Variants in HYAL1 observed in about 807,000 individuals in gnomAD.
The protein encoded by HYAL1 is hyaluronidase-1.
HYAL1 carries 21 observed loss-of-function variants against 28.8 expected under a neutral mutation model. The ratio of observed to expected loss-of-function variants is 0.73; its 90% CI spans 0.52 to 1.05. HYAL1 has a LOEUF of 1.05. Ranked by LOEUF, HYAL1 falls within the 50% of genes least tolerant of loss-of-function variation. The pLI, the probability that HYAL1 is intolerant of heterozygous loss-of-function variation, is 0.00. For missense variants in HYAL1, 491 were observed against 579.2 expected (o/e 0.85, Z 1.56); for synonymous variants, 200 against 230.1 (o/e 0.87, Z 1.18).
chr3:50,308,638 AG>A (rs1553714355), intron 2 of HYAL1, among the ~76,000 whole-genome samples: 1 of 149,200 alleles, frequency 6.7e-6, no homozygotes, highest in African/African-American at 2.5e-5. Context: ...TGGTAGAGAC[AG>A]GGTTTCACCG....
chr3:50,301,249 G>A (rs1702143954), intron 2 of HYAL1, among the ~76,000 whole-genome samples, 172 bp from the exon 3 acceptor site: 1 of 152,204 alleles, frequency 6.6e-6, no homozygotes, highest in Admixed American at 6.5e-5. Context: ...TGCAGACAGG[G>A]ACTACATCAT....
At chr3:50,307,004 A>C (rs1240662471), upstream of HYAL1, among the ~76,000 whole-genome samples, 1 of 149,730 alleles carries the variant, frequency 6.7e-6, no homozygotes, top group African/African-American at 2.5e-5. Context: ...TGGAAGGCGG[A>C]GGTTGCAGTG....
intron 1 of HYAL1, among the ~76,000 whole-genome samples, chr3:50,310,202 T>G (rs1479239063): frequency 6.6e-6 from 1 of 151,324 alleles, no homozygotes; most frequent in Non-Finnish European, 1.5e-5. Context: ...AATTAAGTTT[T>G]CAATTTTTTT....
intron 1 of HYAL1, among the ~76,000 whole-genome samples, chr3:50,311,624 A>T (rs1194377286): frequency 3.0e-5 from 3 of 99,378 alleles, no homozygotes; most frequent in Middle Eastern, 0.01. Context: ...CGGGGGGCTG[A>T]CCCCCCCACC....
At chr3:50,304,290 AAAAAAAATATATATATATATATATAT>A (rs1360597162), upstream of HYAL1, among the ~76,000 whole-genome samples, 19 of 59,408 alleles carry the variant, frequency 3.2e-4, 1 homozygote, top group Admixed American at 2.6e-3. Context: ...AAAAAAAAAA[AAAAAAAATATATATATATATATATAT>A]ATATATATAT....
chr3:50,302,358 CCCCAGAGGCCGCG>C lies in HYAL1; in HGVS notation c.586_598del (p.Arg196AlafsTer14), dbSNP rs1702201097. On this transcript the variant is annotated frameshift_variant, in exon 2 of 4. Transcript: ENST00000395144. LOFTEE classifies it high-confidence loss of function. This position sits in a 1 kb window ranked among gnomAD's most constrained non-coding sequence, Gnocchi z 5.0. Reference sequence around the variant, plus strand: ...GTAGCAGTCAGGGAAGCCATAGAAGCCCCAGAGGCCGCGAGGACGCAGTGCCCGCCCCAGCTGG... The same window carrying C: ...GTAGCAGTCAGGGAAGCCATAGAAGCAGGACGCAGTGCCCGCCCCAGCTGG... 5 of 1,613,740 alleles carry C rather than the reference CCCCAGAGGCCGCG, an allele frequency of 3.1e-6. No individual in the cohort carries two copies. The highest frequency in any genetic ancestry group is 4.2e-6 in the Non-Finnish European group (5 of 1,179,998).
At position 50,302,329 on chromosome 3, in the gene HYAL1, A is replaced by G. The variant is rs1553713153; in HGVS notation, c.628T>C (p.Tyr210His). The part of the protein sequence containing the change: ...GFYGFPDCYN[Y>H]DFLSPNYTGQ... ...GTGTAGTTGGGGCTTAGAAAGTCAT[A>G]GTTGTAGCAGTCAGGGAAGCCATAG... Residue 210 changes from tyrosine (Y) to histidine (H), a missense_variant, in exon 2 of 4, where the codon TAT becomes CAT. Tyr to His is a moderately conservative substitution (Grantham distance 83). Transcript: ENST00000395144. This position sits in a 1 kb window ranked among gnomAD's most constrained non-coding sequence, Gnocchi z 5.0. 6.2e-7 allele frequency: 1 copy of G among 1,613,454 alleles called. No homozygotes were observed. The highest frequency in any genetic ancestry group is 8.5e-7 in the Non-Finnish European group (1 of 1,179,984).
chr3:50,305,487 C>T (rs1330355723), upstream of HYAL1, among the ~76,000 whole-genome samples: 3 of 151,618 alleles, frequency 2.0e-5, no homozygotes, highest in African/African-American at 7.3e-5. Context: ...TTGTGATCTG[C>T]CTGCCTCAGC....
At chr3:50,306,807 A>G (rs1702341527), upstream of HYAL1, among the ~76,000 whole-genome samples, 1 of 150,162 alleles carries the variant, frequency 6.7e-6, no homozygotes, top group Admixed American at 6.6e-5. Context: ...AATTGCTTCA[A>G]CCTGGGAGGT....
upstream of HYAL1, among the ~76,000 whole-genome samples, chr3:50,304,393 G>A (rs1291702005): frequency 7.4e-6 from 1 of 134,512 alleles, no homozygotes; most frequent in Non-Finnish European, 1.6e-5. Flanking sequence ...TTGAGCCCAG[G>A]AGTTCGAGAC....
intron 1 of HYAL1, among the ~76,000 whole-genome samples, chr3:50,311,470 C>A (rs1175842594): frequency 2.7e-5 from 3 of 111,128 alleles, no homozygotes; most frequent in African/African-American, 1.1e-4. Flanking sequence ...CCCTCCCGGA[C>A]GGGGCGGCTG....
intron 1 of HYAL1, among the ~76,000 whole-genome samples, chr3:50,311,700 CG>C (rs1702462084): frequency 6.9e-6 from 1 of 145,526 alleles, no homozygotes; most frequent in South Asian, 2.1e-4. Flanking sequence ...CCGGACGGGG[CG>C]GCAGGCCGGG....
Position 50,302,553 on chromosome 3 carries a change from G to T in HYAL1, c.404C>A (p.Pro135Gln). 11 of 1,614,188 alleles carry T rather than the reference G, an allele frequency of 6.8e-6. No homozygotes were observed. Among genetic ancestry groups the T allele is most frequent in the Non-Finnish European group, 9.3e-6 (11 of 1,180,028 alleles). ...GGTGTCCCAGTTGAAGGCCCAGCGT[G>T]GGCGCCATGCCTCCCAGTCGATGAC... ...LAVIDWEAWR[P>Q]RWAFNWDTKD... The change falls in exon 2 of 4, where the codon CCA becomes CAA. Residue 135 changes from proline (P) to glutamine (Q), a missense_variant. By Grantham distance (76) the Pro-to-Gln change is moderately conservative. Transcript: ENST00000395144. The surrounding 1 kb of genome is among the most constrained non-coding windows in gnomAD (Gnocchi z 5.0).
In HYAL1 at chr3:50,303,529, C is replaced by T. The variant is rs1357344057; in HGVS notation, c.-88G>A. The T allele has an allele frequency of 6.6e-6, 1 of 152,434 alleles. No individual in the cohort carries two copies. Among genetic ancestry groups the T allele is most frequent in the African/African-American group, 2.4e-5 (1 of 41,476 alleles). 9.4% of individuals were successfully genotyped at this position (152,434 alleles called of 1,614,324 possible). Reference sequence around the variant, plus strand: ...CCCAGGATGGGGGCCTAAGCAGGGCCTGGCCAGATTCCACCCCAGCTGCAC... The same window carrying T: ...CCCAGGATGGGGGCCTAAGCAGGGCTTGGCCAGATTCCACCCCAGCTGCAC... On this transcript the variant is annotated 5_prime_UTR_variant, in exon 1 of 4. Transcript: ENST00000395144.
chr3:50,301,503 A>G (rs1553712888), intron 2 of HYAL1, among the ~76,000 whole-genome samples: 1 of 151,904 alleles, frequency 6.6e-6, no homozygotes, highest in East Asian at 1.9e-4. Context: ...TGTAATCCCA[A>G]CTACTTGGGA....
rs1559827364 is a variant in HYAL1, at chr3:50,312,023, TC to T, written c.-310+240del. 8.4e-4 allele frequency among the ~76,000 whole-genome samples: 85 copies of T among 100,732 alleles called. 1 individual carries two copies. Among genetic ancestry groups the T allele is most frequent in the Admixed American group, 3.4e-3 (30 of 8,810 alleles). 66.1% of individuals were successfully genotyped at this position (100,732 alleles called of 152,430 possible). On this transcript the variant is annotated intron_variant, in intron 1 of 5. Transcript: ENST00000320295. Reference sequence around the variant, plus strand: ...GGGCGGCTGGCCGGGTGGGAGGCTGTCCCCCCCACCTCCCTCCCGGACGGGG... The same window carrying T: ...GGGCGGCTGGCCGGGTGGGAGGCTGTCCCCCCACCTCCCTCCCGGACGGGG...
upstream of HYAL1, among the ~76,000 whole-genome samples, chr3:50,304,294 AAAATATATATATATATATATATATATAT>A (rs1487533161): frequency 3.6e-4 from 15 of 41,200 alleles, 1 homozygote; most frequent in East Asian, 0.033. Flanking sequence ...AAAAAAAAAA[AAAATATATATATATATATATATATATAT>A]ATATATATAT....
intron 2 of HYAL1, among the ~76,000 whole-genome samples, chr3:50,308,800 G>A (rs1184662873): frequency 2.1e-5 from 3 of 145,754 alleles, no homozygotes; most frequent in Admixed American, 7.0e-5. Context: ...GCAGGATCTC[G>A]GCTCACTGCA....
At chr3:50,310,581 CTTT>C (rs1221892755) in intron 1 of HYAL1, among the ~76,000 whole-genome samples, 2 of 140,230 alleles carry the variant, frequency 1.4e-5, no homozygotes, top group Admixed American at 6.9e-5. Context: ...GGTTTCTTTT[CTTT>C]TTTTTTTCTT....
Sources: allele counts gnomAD v4.1 joint callset (sites outside exome capture counted in the v4.1 genomes callset), GRCh38; gene constraint gnomAD v4.1.1; non-coding constraint Gnocchi (gnomAD v3.1); transcripts MANE v1.5; gene names NCBI Gene and HGNC (gene_info 2026-07-23, HGNC 2026-07-21).